The following CHD6 variants were observed in gnomAD, a reference collection of about 807,000 sequenced individuals.
The protein encoded by CHD6 is ATP-dependent chromatin remodeler CHD6.
In CHD6, 50 loss-of-function variants were observed where a neutral mutation model predicts 276.9. The observed-to-expected ratio is 0.18, with a 90% CI of 0.14 to 0.23. The LOEUF is 0.23. Among genes scored for constraint, CHD6 ranks in the 10% least tolerant of loss-of-function variants. CHD6 has a pLI of 1.00. For synonymous variants in CHD6, 1,173 were observed against 1,229.3 expected (o/e 0.95, Z 0.96); for missense variants, 2,564 against 3,365.8 (o/e 0.76, Z 5.89).
intron 5 of CHD6, among the ~76,000 whole-genome samples, chr20:41,512,201 G>A (rs553303813): frequency 3.9e-4 from 59 of 151,682 alleles, no homozygotes; most frequent in African/African-American, 1.4e-3. Flanking sequence ...CTGGCCTCAA[G>A]TGATCTGCCT....
intron 2 of CHD6, among the ~76,000 whole-genome samples, chr20:41,549,662 A>C (rs1205794813): frequency 1.3e-5 from 2 of 152,032 alleles, no homozygotes; most frequent in Non-Finnish European, 2.9e-5. Flanking sequence ...AATTAAAAAA[A>C]TAAAATATTT....
intron 1 of CHD6, among the ~76,000 whole-genome samples, chr20:41,576,412 G>T (rs188833352): frequency 6.6e-6 from 1 of 152,188 alleles, no homozygotes. Context: ...CAGGCCAGGC[G>T]TGGTGGCTCA....
intron 20 of CHD6, 100 bp from the exon 21 acceptor site, chr20:41,453,042 C>T (rs573340370): frequency 3.3e-6 from 3 of 900,164 alleles, no homozygotes; most frequent in East Asian, 5.1e-5. Flanking sequence ...TAGAACCATG[C>T]CCCGTCTCAT....
intron 36 of CHD6, among the ~76,000 whole-genome samples, chr20:41,409,118 G>A (rs188592732): frequency 1.7e-3 from 265 of 152,290 alleles, no homozygotes; most frequent in African/African-American, 5.9e-3. Context: ...GAAATGCCCC[G>A]AGGATAAAGA....
chr20:41,555,033 G>T (rs1325374741), intron 1 of CHD6, among the ~76,000 whole-genome samples: 1 of 148,828 alleles, frequency 6.7e-6, no homozygotes, highest in Non-Finnish European at 1.5e-5. Flanking sequence ...CTCCCTCCCG[G>T]ACGGGGCGGC....
intron 18 of CHD6, 91 bp downstream of exon 18, chr20:41,457,173 G>A: frequency 6.9e-7 from 1 of 1,456,200 alleles, no homozygotes; most frequent in Non-Finnish European, 9.3e-7. Flanking sequence ...TGCAGCGAAA[G>A]TGAACCCTTA....
intron 14 of CHD6, 150 bp from the exon 15 acceptor site, chr20:41,484,757 GGA>G (rs1265803535): frequency 1.0e-5 from 8 of 797,910 alleles, no homozygotes; most frequent in African/African-American, 8.7e-5. Flanking sequence ...CCCTGAAAAT[GGA>G]GAGTTTATAA....
chr20:41,496,195 G>A (rs959080786), intron 8 of CHD6, among the ~76,000 whole-genome samples: 1 of 152,222 alleles, frequency 6.6e-6, no homozygotes, highest in African/African-American at 2.4e-5. Flanking sequence ...CAGTAAATGT[G>A]TAGTTAATTG....
intron 8 of CHD6, chr20:41,497,126 TC>T (rs1188352364): frequency 2.4e-6 from 1 of 419,120 alleles, no homozygotes; most frequent in African/African-American, 2.0e-5. Context: ...TTCCTCTCAC[TC>T]TAGCTATTTA....
intron 36 of CHD6, among the ~76,000 whole-genome samples, chr20:41,411,010 G>C (rs534434694): frequency 1.3e-5 from 2 of 152,148 alleles, no homozygotes; most frequent in African/African-American, 4.8e-5. Flanking sequence ...TACTGCTCAC[G>C]CAAGTGGAAG....
chr20:41,595,628 A>T (rs2045709261), intron 1 of CHD6, among the ~76,000 whole-genome samples: 1 of 152,202 alleles, frequency 6.6e-6, no homozygotes, highest in Non-Finnish European at 1.5e-5. Flanking sequence ...CAAGCAGGAC[A>T]GGAAATATAA....
intron 3 of CHD6, among the ~76,000 whole-genome samples, chr20:41,524,730 T>C (rs1246315627): frequency 1.3e-5 from 2 of 152,192 alleles, no homozygotes; most frequent in East Asian, 3.9e-4. Context: ...AGATCTCATA[T>C]ACCTCCCCTG....
rs775399920 is a variant in CHD6 at position 41,405,211 on chromosome 20, C to A, written c.7530G>T (p.Glu2510Asp). 3 of 1,614,226 alleles carry A rather than the reference C, an allele frequency of 1.9e-6. No homozygotes were observed. Among genetic ancestry groups the A allele is most frequent in the Non-Finnish European group, 2.5e-6 (3 of 1,180,046 alleles). Residue 2510 changes from glutamate to aspartate, a missense_variant, in exon 37 of 37, where the codon GAG becomes GAT. Transcript: ENST00000373233. ...GCAGCATGCTCAGGGTACTTTTGAC[C>A]TCTTCACCTGTTGGCATCGTGGCAA... The part of the protein sequence containing the change: ...AGFATMPTGE[E>D]VKSTLSMLPM...
At chr20:41,577,843 AGTT>A (rs2045491447) in intron 1 of CHD6, among the ~76,000 whole-genome samples, 2 of 152,366 alleles carry the variant, frequency 1.3e-5, no homozygotes, top group South Asian at 4.1e-4. Context: ...AGCCCTTGCT[AGTT>A]GTTAGCCACA....
intron 1 of CHD6, among the ~76,000 whole-genome samples, chr20:41,574,002 C>CA (rs899799307): frequency 1.3e-4 from 20 of 152,254 alleles, no homozygotes; most frequent in African/African-American, 4.6e-4. Flanking sequence ...TGGGTAAAAG[C>CA]AAGGACCCAT....
In CHD6 at chr20:41,580,292, A is replaced by AC. The variant is rs151007870; in HGVS notation, c.-23-28933dup. Among the ~76,000 whole-genome samples the AC allele has an allele frequency of 1.7e-3, 263 of 152,254 alleles. 2 individuals carry two copies. The highest frequency in any genetic ancestry group is 0.012 in the Admixed American group (178 of 15,292). Reference sequence around the variant, plus strand: ...GAAAATAGTGAATCCAAAATATTGTACCTTAACAATATTTTCCCAACAGCT... The same window carrying AC: ...GAAAATAGTGAATCCAAAATATTGTACCCTTAACAATATTTTCCCAACAGCT... On this transcript the variant is annotated intron_variant, in intron 1 of 36. Coordinates refer to ENST00000373233, the MANE Select transcript of CHD6 (RefSeq NM_032221.5).
At chr20:41,573,241 A>C (rs2045438522) in intron 1 of CHD6, among the ~76,000 whole-genome samples, 1 of 152,132 alleles carries the variant, frequency 6.6e-6, no homozygotes, top group Admixed American at 6.5e-5. Flanking sequence ...TCTAGAACAG[A>C]TTAAGGACAT....
intron 5 of CHD6, among the ~76,000 whole-genome samples, chr20:41,503,358 C>T (rs1030153842): frequency 1.3e-5 from 2 of 152,178 alleles, no homozygotes; most frequent in Non-Finnish European, 2.9e-5. Flanking sequence ...TATGCAGTCA[C>T]ATCATCTACA....
At chr20:41,576,457 G>A (rs557997036) in intron 1 of CHD6, among the ~76,000 whole-genome samples, 16 of 152,186 alleles carry the variant, frequency 1.1e-4, no homozygotes, top group South Asian at 4.2e-4. Flanking sequence ...AGGCCAAGGC[G>A]GGCAGATCAC....
Sources: allele counts gnomAD v4.1 joint callset (sites outside exome capture counted in the v4.1 genomes callset), GRCh38; gene constraint gnomAD v4.1.1; transcripts MANE v1.5; gene names NCBI Gene and HGNC (gene_info 2026-07-23, HGNC 2026-07-21).